Variants in CNTN1 observed in about 807,000 individuals in gnomAD.
CNTN1 encodes contactin-1.
CNTN1 carries 38 observed loss-of-function variants against 126.4 expected under a neutral mutation model. The observed-to-expected ratio is 0.30, with a 90% CI of 0.23 to 0.39. CNTN1 has a LOEUF of 0.39. Among genes scored for constraint, CNTN1 ranks in the 10% least tolerant of loss-of-function variants. The pLI, the probability that CNTN1 is intolerant of heterozygous loss-of-function variation, is 1.00. For synonymous variants in CNTN1, 413 were observed against 422.6 expected (o/e 0.98, Z 0.28); for missense variants, 1,009 against 1,248.4 (o/e 0.81, Z 2.89).
At chr12:40,790,433 G>C (rs1940176161) in intron 1 of CNTN1, among the ~76,000 whole-genome samples, 1 of 152,038 alleles carries the variant, frequency 6.6e-6, no homozygotes, top group African/African-American at 2.4e-5. Flanking sequence ...CCCTAGATTA[G>C]AGCTTTCAAT....
At chr12:41,021,150 G>A (rs1490756305) in intron 20 of CNTN1, among the ~76,000 whole-genome samples, 1 of 152,172 alleles carries the variant, frequency 6.6e-6, no homozygotes, top group East Asian at 1.9e-4. Context: ...AATTAACATG[G>A]TTTTTCCTTT....
At position 40,712,056 on chromosome 12, in the gene CNTN1, C is replaced by T. The variant is rs144393827; in HGVS notation, c.-77+19464C>T. Among the ~76,000 whole-genome samples, 104 of 152,202 alleles carry T rather than the reference C, an allele frequency of 6.8e-4. 1 individual carries two copies. Among genetic ancestry groups the T allele is most frequent in the African/African-American group, 1.8e-3 (73 of 41,550 alleles). ...TAAACATTCATCTATGCTTACTTCA[C>T]GGTTCTTTGCCTTGAATTCACTCTA... On this transcript the variant is annotated intron_variant, in intron 1 of 23. Coordinates refer to ENST00000551295, the MANE Select transcript of CNTN1 (RefSeq NM_001843.4).
rs550491497 is a variant in CNTN1 at position 40,918,760 on chromosome 12, C to T, written c.216C>T (p.Phe72=). The stretch of plus-strand genomic sequence containing the variant: ...ACTGTAGGGCACGAGCCAGCCCTTT[C>T]CCGGTTTACAAGTAATGTACCTCGC... ...SLNCRARASP[F]PVYKWRMNNG... Residue 72 remains phenylalanine, a synonymous_variant, in exon 4 of 24, where the codon TTC becomes TTT. Transcript: ENST00000551295. 5.0e-6 allele frequency: 8 copies of T among 1,613,650 alleles called. No individual in the cohort carries two copies. In the East Asian group the frequency reaches 1.6e-4, roughly 31 times the overall value.
At chr12:40,987,077 T>G (rs1947973929) in intron 16 of CNTN1, among the ~76,000 whole-genome samples, 1 of 152,178 alleles carries the variant, frequency 6.6e-6, no homozygotes, top group South Asian at 2.1e-4. Flanking sequence ...TGTGTTGTTT[T>G]TGTTAGTGTA....
At chr12:41,002,775 T>A (rs1431453634) in intron 17 of CNTN1, among the ~76,000 whole-genome samples, 1 of 152,064 alleles carries the variant, frequency 6.6e-6, no homozygotes, top group Non-Finnish European at 1.5e-5. Context: ...GCCAGTGTGG[T>A]CTCGATCTCC....
At position 41,070,749 on chromosome 12, in the gene CNTN1, T is replaced by G. The variant is rs888417545; in HGVS notation, c.*714T>G. On this transcript the variant is annotated 3_prime_UTR_variant, in exon 24 of 24. Transcript: ENST00000551295. ...AAGTTAACATACCATATAGATTTTT[T>G]TTTACTTTTATATTCTACTCTGAAG... is the stretch of plus-strand genomic sequence containing the variant. The G allele has an allele frequency of 2.0e-5, 3 of 152,130 alleles. No individual in the cohort carries two copies. The East Asian group carries it at 5.8e-4, about 29-fold the overall frequency. 9.4% of individuals were successfully genotyped at this position (152,130 alleles called of 1,614,324 possible).
At chr12:40,701,589 A>G (rs1462553128) in intron 1 of CNTN1, among the ~76,000 whole-genome samples, 1 of 152,114 alleles carries the variant, frequency 6.6e-6, no homozygotes, top group Non-Finnish European at 1.5e-5. Context: ...TTTGTAGAGT[A>G]TTTTTATACA....
At chr12:40,936,647 A>G in intron 9 of CNTN1, 134 bp from the exon 10 acceptor site, 1 of 1,062,026 alleles carries the variant, frequency 9.4e-7, no homozygotes, top group Non-Finnish European at 1.4e-6. Flanking sequence ...AAGGCCTATT[A>G]CTGAGTTCAG....
At chr12:41,007,206 C>A (rs1948518813) in intron 17 of CNTN1, among the ~76,000 whole-genome samples, 1 of 150,870 alleles carries the variant, frequency 6.6e-6, no homozygotes, top group Admixed American at 6.6e-5. Context: ...ACTACAGGCG[C>A]CCGCCACTAC....
At chr12:40,818,516 A>G (rs1255396516) in intron 1 of CNTN1, among the ~76,000 whole-genome samples, 1 of 152,154 alleles carries the variant, frequency 6.6e-6, no homozygotes, top group Non-Finnish European at 1.5e-5. Flanking sequence ...TTTCAGCTCC[A>G]TCATGTAATT....
rs532383104 is a variant in CNTN1, at chr12:40,820,080, T to C, written c.-76-88277T>C. 2.8e-4 allele frequency among the ~76,000 whole-genome samples: 43 copies of C among 152,322 alleles called. 1 individual carries two copies. In the South Asian group the frequency reaches 6.4e-3, roughly 23 times the overall value. ...TATGTTTTTATAAGAAGCATGGCAC[T>C]AGCAGCTGCATCTGGTAAAGGCCTC... On this transcript the variant is annotated intron_variant, in intron 1 of 23. Transcript: ENST00000551295.
chr12:40,920,792 C>T (rs1271696093), intron 4 of CNTN1, among the ~76,000 whole-genome samples: 2 of 152,146 alleles, frequency 1.3e-5, no homozygotes, highest in Non-Finnish European at 1.5e-5. Flanking sequence ...ACAAGCATTA[C>T]AATAAAAAAG....
intron 1 of CNTN1, among the ~76,000 whole-genome samples, chr12:40,822,829 G>A (rs972967906): frequency 2.0e-5 from 3 of 152,120 alleles, no homozygotes; most frequent in African/African-American, 7.2e-5. Context: ...GAGGTTTGGA[G>A]TATGATTGAA....
chr12:40,933,480 T>G lies in CNTN1; in HGVS notation c.723T>G (p.Pro241=). The G allele has an allele frequency of 6.2e-7, 1 of 1,607,720 alleles. No homozygotes were observed. Among genetic ancestry groups the G allele is most frequent in the Non-Finnish European group, 8.5e-7 (1 of 1,174,562 alleles). ...TATTAGGAACAACAAAACCATATCC[T>G]GCTGATATTGTAGTTCAGTTCAAGG... The part of the protein sequence containing the change: ...PIPERTTKPY[P]ADIVVQFKDV... The change falls in exon 8 of 24, where the codon CCT becomes CCG. Residue 241 remains proline (P), a synonymous_variant. Coordinates refer to ENST00000551295, the MANE Select transcript of CNTN1 (RefSeq NM_001843.4).
chr12:40,968,943 A>T lies in CNTN1; in HGVS notation c.1804+9709A>T, dbSNP rs573408602. ...ATTAATTAGGTAATTCCCTCAAAAC[A>T]CTCTGAGTTATTGATAATTCCAAGT... On this transcript the variant is annotated intron_variant, in intron 15 of 23. Transcript: ENST00000551295. Among the ~76,000 whole-genome samples the T allele has an allele frequency of 2.6e-5, 4 of 152,200 alleles. No homozygotes were observed. In the South Asian group the frequency reaches 8.3e-4, roughly 32 times the overall value.
chr12:41,010,213 G>A (rs1222529716), intron 17 of CNTN1, among the ~76,000 whole-genome samples: 1 of 152,086 alleles, frequency 6.6e-6, no homozygotes, highest in Admixed American at 6.5e-5. Flanking sequence ...TGAGCCACTG[G>A]AGCTCCGGGA....
intron 23 of CNTN1, among the ~76,000 whole-genome samples, chr12:41,051,893 AACACACACACACAC>A (rs71078300): frequency 0.25 from 33,756 of 134,492 alleles, 4,000 homozygotes; most frequent in South Asian, 0.3. Flanking sequence ...ACCCCACACA[AACACACACACACAC>A]ACACACACAC....
rs560637843 is a variant in CNTN1, at chr12:40,933,962, T to A, written c.985+84T>A. On this transcript the variant is annotated intron_variant, in intron 9 of 23. Coordinates refer to ENST00000551295, the MANE Select transcript of CNTN1 (RefSeq NM_001843.4). The stretch of plus-strand genomic sequence containing the variant: ...CCATACATGAAAAACTACTATATAA[T>A]GATTAATGGTTTTAAAAACAGTGAT... The A allele has an allele frequency of 6.6e-5, 67 of 1,020,492 alleles. No homozygotes were observed. The East Asian group carries it at 1.6e-3, about 24-fold the overall frequency. The allele number at this position is 1,020,492 out of a possible 1,614,324, so 63.2% of individuals were successfully genotyped here.
chr12:40,799,269 C>T (rs1009077834), intron 1 of CNTN1, among the ~76,000 whole-genome samples: 3 of 151,132 alleles, frequency 2.0e-5, no homozygotes, highest in African/African-American at 7.3e-5. Context: ...TTGATACAAT[C>T]TATTATTGAG....
Sources: allele counts gnomAD v4.1 joint callset (sites outside exome capture counted in the v4.1 genomes callset), GRCh38; gene constraint gnomAD v4.1.1; transcripts MANE v1.5; gene names NCBI Gene and HGNC (gene_info 2026-07-23, HGNC 2026-07-21).